The following HTR3B variants were observed in gnomAD, a reference collection of about 807,000 sequenced individuals.
HTR3B encodes 5-hydroxytryptamine receptor 3B.
In HTR3B, 44 loss-of-function variants were observed where a neutral mutation model predicts 42.8. That is an observed-to-expected ratio of 1.03 (90% CI 0.81 to 1.32). The LOEUF is 1.32. Among genes scored for constraint, HTR3B ranks in the 40% most tolerant of loss-of-function variants. The pLI is 0.00. For missense variants in HTR3B, 527 were observed against 536.5 expected (o/e 0.98, Z 0.17); for synonymous variants, 203 against 209.0 (o/e 0.97, Z 0.25).
At chr11:113,941,531 G>T (rs1950134548) in intron 6 of HTR3B, among the ~76,000 whole-genome samples, 1 of 152,214 alleles carries the variant, frequency 6.6e-6, no homozygotes, top group Non-Finnish European at 1.5e-5. Flanking sequence ...CCAGCACAGT[G>T]CAGGCCAGCA....
chr11:113,942,305 A>G (rs1405729104), intron 6 of HTR3B, among the ~76,000 whole-genome samples: 2 of 152,170 alleles, frequency 1.3e-5, no homozygotes, highest in East Asian at 3.9e-4. Context: ...TCTACTAAAA[A>G]TACAAAAAAT....
chr11:113,934,010 A>C (rs962015732), intron 6 of HTR3B, among the ~76,000 whole-genome samples: 4 of 152,244 alleles, frequency 2.6e-5, no homozygotes, highest in African/African-American at 9.6e-5. Flanking sequence ...TATCCTAAAA[A>C]TATACCTTTG....
At chr11:113,912,079 C>T in intron 2 of HTR3B, among the ~76,000 whole-genome samples, 1 of 152,104 alleles carries the variant, frequency 6.6e-6, no homozygotes, top group East Asian at 1.9e-4. Context: ...GCAGTTTGTT[C>T]CTTTTTCTTA....
chr11:113,932,230 A>G lies in HTR3B; in HGVS notation c.369-59A>G, dbSNP rs1950042632. 6 of 1,391,596 alleles carry G rather than the reference A, an allele frequency of 4.3e-6. No homozygotes were observed. In the South Asian group the frequency reaches 5.0e-5, roughly 12 times the overall value. 86.2% of individuals were successfully genotyped at this position (1,391,596 alleles called of 1,614,324 possible). A position where few individuals can be genotyped will look rare whatever the true frequency, so the allele number is the denominator to read the frequency against. On this transcript the variant is annotated intron_variant, in intron 4 of 8. Transcript: ENST00000260191. ...GTCACTACCATCTCCTAATCAGCCT[A>G]TGTTTTGAAATGACCAACATCCTCT...
At chr11:113,903,293 G>A (rs1949708295), upstream of HTR3B, among the ~76,000 whole-genome samples, 1 of 152,182 alleles carries the variant, frequency 6.6e-6, no homozygotes, top group Non-Finnish European at 1.5e-5. Context: ...TACCGGAAGA[G>A]CTATGGAAGC....
chr11:113,915,339 CTTTG>C (rs1314961020), intron 2 of HTR3B, among the ~76,000 whole-genome samples: 4 of 152,088 alleles, frequency 2.6e-5, no homozygotes, highest in South Asian at 2.1e-4. Flanking sequence ...CTTCTACTTA[CTTTG>C]TTTGTGTTTT....
chr11:113,902,450 C>A (rs1181447081), upstream of HTR3B, among the ~76,000 whole-genome samples: 1 of 152,094 alleles, frequency 6.6e-6, no homozygotes, highest in Non-Finnish European at 1.5e-5. Context: ...GCATGTGCCA[C>A]CGTGCCGGGC....
chr11:113,948,759 G>A lies in HTR3B; in HGVS notation c.*2622G>A, dbSNP rs546533738. On this transcript the variant is annotated 3_prime_UTR_variant, in exon 9 of 9. Coordinates refer to ENST00000260191, the MANE Select transcript of HTR3B (RefSeq NM_006028.5). ...ATGCCTGTAATCCCACCTACTCGGG[G>A]GGCTGAGGCAGGAGAATCGCTTGAA... 6.6e-6 allele frequency among the ~76,000 whole-genome samples: 1 copy of A among 152,006 alleles called. No individual in the cohort carries two copies. The highest frequency in any genetic ancestry group is 2.4e-5 in the African/African-American group (1 of 41,412).
In HTR3B at chr11:113,931,392, G is replaced by T. The variant is rs376999309; in HGVS notation, c.222G>T (p.Glu74Asp). The T allele has an allele frequency of 1.2e-6, 2 of 1,602,246 alleles. No homozygotes were observed. Among genetic ancestry groups the T allele is most frequent in the African/African-American group, 1.3e-5 (1 of 74,584 alleles). ...FVHAILDVDA[E>D]NQILKTSVWY... ...TTCTTTTTGCCTTGCAGGATGCAGA[G>T]AATCAAATATTAAAGACAAGTGTAT... Residue 74 changes from glutamate to aspartate, a missense_variant, in exon 3 of 9, where the codon GAG becomes GAT. Physicochemically the swap from Glu to Asp is conservative, Grantham distance 45. Coordinates refer to ENST00000260191, the MANE Select transcript of HTR3B (RefSeq NM_006028.5).
rs1565564052 is a variant in HTR3B, at chr11:113,932,442, G to C, written c.522G>C (p.Lys174Asn). ...FDVQNCSLTF[K>N]SILHTVEDVD... ...TCCAGAATTGCAGCCTGACCTTCAA[G>C]AGCATTCTGCATACAGGTAAACCAT... The change falls in exon 5 of 9, where the codon AAG becomes AAC. Residue 174 changes from lysine (K) to asparagine (N), a missense_variant. Transcript: ENST00000260191. 1 of 1,613,920 alleles carries C rather than the reference G, an allele frequency of 6.2e-7. No homozygotes were observed. Among genetic ancestry groups the C allele is most frequent in the Non-Finnish European group, 8.5e-7 (1 of 1,179,912 alleles).
chr11:113,939,972 T>A (rs1250082971), intron 6 of HTR3B, among the ~76,000 whole-genome samples: 1 of 150,594 alleles, frequency 6.6e-6, no homozygotes. Context: ...CTGCAACCTC[T>A]GCCTCTTGAG....
chr11:113,946,312 G>A lies in HTR3B; in HGVS notation c.*175G>A. The A allele has an allele frequency of 1.7e-6, 1 of 578,050 alleles. No homozygotes were observed. The highest frequency in any genetic ancestry group is 3.1e-6 in the Non-Finnish European group (1 of 323,652). The allele number at this position is 578,050 out of a possible 1,614,324, so 35.8% of individuals were successfully genotyped here. On this transcript the variant is annotated 3_prime_UTR_variant, in exon 9 of 9. Transcript: ENST00000260191. Reference sequence around the variant, plus strand: ...GCCCAGGAGTTCGAGACCAGCCAGAGCAACATAGTGAGACCACATCTCTAC... The same window carrying A: ...GCCCAGGAGTTCGAGACCAGCCAGAACAACATAGTGAGACCACATCTCTAC...
intron 3 of HTR3B, 145 bp downstream of exon 3, chr11:113,931,573 G>T (rs1248812471): frequency 2.9e-6 from 2 of 691,922 alleles, no homozygotes; most frequent in Non-Finnish European, 4.9e-6. Flanking sequence ...ATTCATTTAA[G>T]ATGTATGGCC....
At position 113,946,219 on chromosome 11, in the gene HTR3B, G is replaced by A; in HGVS notation, c.*82G>A. The A allele has an allele frequency of 9.3e-7, 1 of 1,079,864 alleles. No individual in the cohort carries two copies. The highest frequency in any genetic ancestry group is 2.5e-5 in the East Asian group (1 of 40,808). The allele number at this position is 1,079,864 out of a possible 1,614,324, so 66.9% of individuals were successfully genotyped here. A position where few individuals can be genotyped will look rare whatever the true frequency, so the allele number is the denominator to read the frequency against. ...TAATAGTGGGTTAAAAAGCTTTCTGGGTCGGGTGTGGTGGTTCTTGCCTAT... is the reference window on the plus strand; with the variant it reads ...TAATAGTGGGTTAAAAAGCTTTCTGAGTCGGGTGTGGTGGTTCTTGCCTAT... On this transcript the variant is annotated 3_prime_UTR_variant, in exon 9 of 9. Transcript: ENST00000260191.
At chr11:113,911,661 G>A (rs969018335) in intron 2 of HTR3B, among the ~76,000 whole-genome samples, 1 of 151,888 alleles carries the variant, frequency 6.6e-6, no homozygotes, top group Non-Finnish European at 1.5e-5. Context: ...TGAGTAGCTA[G>A]GATTACAGGT....
intron 1 of HTR3B, among the ~76,000 whole-genome samples, chr11:113,908,680 C>G (rs1486846165): frequency 1.3e-5 from 2 of 152,046 alleles, no homozygotes; most frequent in Non-Finnish European, 1.5e-5. Flanking sequence ...TCCCTGGAAC[C>G]AGAGAGAATT....
At chr11:113,928,917 G>T (rs143028154) in intron 2 of HTR3B, among the ~76,000 whole-genome samples, 150 of 152,190 alleles carry the variant, frequency 9.9e-4, no homozygotes, top group African/African-American at 3.5e-3. Flanking sequence ...TTCATCTGTC[G>T]ATGGACACTT....
intron 2 of HTR3B, among the ~76,000 whole-genome samples, chr11:113,918,763 T>G (rs1949882201): frequency 6.6e-6 from 1 of 151,978 alleles, no homozygotes; most frequent in Non-Finnish European, 1.5e-5. Context: ...TTTAAGCAAT[T>G]CTCCTGCCTC....
intron 6 of HTR3B, among the ~76,000 whole-genome samples, chr11:113,940,765 G>T (rs1950128690): frequency 6.6e-6 from 1 of 152,184 alleles, no homozygotes; most frequent in African/African-American, 2.4e-5. Flanking sequence ...ATCTCCCCCA[G>T]CCAAGCTCTT....
Sources: allele counts gnomAD v4.1 joint callset (sites outside exome capture counted in the v4.1 genomes callset), GRCh38; gene constraint gnomAD v4.1.1; transcripts MANE v1.5; gene names NCBI Gene and HGNC (gene_info 2026-07-23, HGNC 2026-07-21).